Variants in SPPL3 observed in about 807,000 individuals in gnomAD.
SPPL3 encodes the protein signal peptide peptidase-like 3.
SPPL3 carries 5 observed loss-of-function variants against 42.4 expected under a neutral mutation model. The ratio of observed to expected loss-of-function variants is 0.12; its 90% confidence interval spans 0.06 to 0.25. SPPL3 has a LOEUF of 0.25. Among genes scored for constraint, SPPL3 ranks in the 10% least tolerant of loss-of-function variants. SPPL3 has a pLI of 1.00. For synonymous variants in SPPL3, 195 were observed against 181.8 expected (o/e 1.07, Z -0.58); for missense variants, 235 against 489.0 (o/e 0.48, Z 4.90).
chr12:120,784,608 C>CA lies in SPPL3; in HGVS notation c.191-16dup, dbSNP rs375407091. On this transcript the variant is annotated splice_polypyrimidine_tract_variant and intron_variant, in intron 3 of 10. Transcript: ENST00000353487. ...TGTTTGGATGCCTGAAAGAGAAAAA[C>CA]AGACAGATTAATAACTTATTATGCA... The CA allele has an allele frequency of 3.2e-5, 51 of 1,592,316 alleles. No individual in the cohort carries two copies. In the African/African-American group the frequency reaches 6.5e-4, roughly 20 times the overall value.
intron 1 of SPPL3, chr12:120,845,795 G>C (rs1872010223): frequency 5.3e-6 from 1 of 188,148 alleles, no homozygotes; most frequent in Admixed American, 6.1e-5. Flanking sequence ...TTCTCAGACA[G>C]GCATTTTCTG....
intron 1 of SPPL3, among the ~76,000 whole-genome samples, chr12:120,852,841 G>GAAATATATATTTCATATAATATATAC (rs1566060976): frequency 2.2e-5 from 1 of 44,620 alleles, no homozygotes; most frequent in Non-Finnish European, 4.1e-5. Context: ...ATATACATAT[G>GAAATATATATTTCATATAATATATAC]ATATATGAAA....
At chr12:120,808,552 G>A (rs118168834) in intron 2 of SPPL3, among the ~76,000 whole-genome samples, 2 of 152,036 alleles carry the variant, frequency 1.3e-5, no homozygotes, top group African/African-American at 2.4e-5. Context: ...ACTCTCTGTC[G>A]AAGTATTTCC....
At chr12:120,797,697 G>A (rs541465818) in intron 2 of SPPL3, among the ~76,000 whole-genome samples, 50 of 152,170 alleles carry the variant, frequency 3.3e-4, no homozygotes, top group Admixed American at 7.8e-4. Context: ...TTGATGAATT[G>A]TATCCCTTTC....
intron 1 of SPPL3, among the ~76,000 whole-genome samples, chr12:120,892,687 AACCC>A (rs1873678537): frequency 6.6e-6 from 1 of 152,222 alleles, no homozygotes; most frequent in Non-Finnish European, 1.5e-5. Context: ...AATACGATAC[AACCC>A]AAAATTAGAG....
intron 1 of SPPL3, among the ~76,000 whole-genome samples, chr12:120,890,044 G>A (rs886075472): frequency 4.0e-5 from 6 of 150,600 alleles, no homozygotes; most frequent in African/African-American, 1.2e-4. Flanking sequence ...TCGGGAGTTC[G>A]AGACCAGACT....
At chr12:120,897,217 A>T (rs1352470483) in intron 1 of SPPL3, among the ~76,000 whole-genome samples, 5 of 152,354 alleles carry the variant, frequency 3.3e-5, no homozygotes, top group African/African-American at 9.6e-5. Flanking sequence ...ATGATCATTA[A>T]GCATTTAAAT....
chr12:120,785,817 A>G (rs868258497), intron 3 of SPPL3, among the ~76,000 whole-genome samples: 3 of 17,666 alleles, frequency 1.7e-4, no homozygotes, highest in African/African-American at 1.2e-3. Flanking sequence ...CAGAAAATTA[A>G]AAAAAAAAAA....
At chr12:120,903,726 A>ACCCCCCCCCC in intron 1 of SPPL3, 119 bp downstream of exon 1, 1 of 509,668 alleles carries the variant, frequency 2.0e-6, no homozygotes, top group Non-Finnish European at 3.0e-6. Context: ...GTGCACCCCA[A>ACCCCCCCCCC]CCCGCGCCCC....
At chr12:120,843,468 C>T (rs969525689) in intron 1 of SPPL3, among the ~76,000 whole-genome samples, 1 of 152,144 alleles carries the variant, frequency 6.6e-6, no homozygotes, top group Non-Finnish European at 1.5e-5. Context: ...ACACTCCCTC[C>T]TTCTTGAAAT....
chr12:120,892,779 G>A (rs1386981173), intron 1 of SPPL3, among the ~76,000 whole-genome samples: 4 of 151,854 alleles, frequency 2.6e-5, no homozygotes, highest in Non-Finnish European at 5.9e-5. Flanking sequence ...TCAGGAGATC[G>A]AGACCATCCT....
At chr12:120,815,105 G>A (rs933248276) in intron 1 of SPPL3, among the ~76,000 whole-genome samples, 3 of 152,120 alleles carry the variant, frequency 2.0e-5, no homozygotes, top group African/African-American at 7.2e-5. Context: ...TACCTGCATT[G>A]CACACACATG....
intron 1 of SPPL3, among the ~76,000 whole-genome samples, chr12:120,822,044 G>C (rs1428863082): frequency 1.3e-5 from 2 of 152,124 alleles, no homozygotes; most frequent in Non-Finnish European, 2.9e-5. Context: ...ACCTAGATTA[G>C]GCAAATTCAT....
chr12:120,808,622 T>A (rs1276470498), intron 2 of SPPL3, among the ~76,000 whole-genome samples: 4 of 152,206 alleles, frequency 2.6e-5, no homozygotes, highest in Non-Finnish European at 5.9e-5. Context: ...CATAAAGCTA[T>A]CATCACTGTA....
chr12:120,784,887 G>A (rs933689640), intron 3 of SPPL3, among the ~76,000 whole-genome samples: 2 of 152,140 alleles, frequency 1.3e-5, no homozygotes, highest in African/African-American at 2.4e-5. Context: ...AACATTAAGA[G>A]GTAGTAAAAA....
At chr12:120,856,465 G>GC (rs1358663332) in intron 1 of SPPL3, among the ~76,000 whole-genome samples, 2 of 144,214 alleles carry the variant, frequency 1.4e-5, no homozygotes, top group Non-Finnish European at 3.0e-5. Context: ...TACTCACTGA[G>GC]CCCCCTGGCC....
intron 1 of SPPL3, among the ~76,000 whole-genome samples, chr12:120,891,757 G>C (rs1324265883): frequency 1.6e-5 from 2 of 128,510 alleles, no homozygotes; most frequent in Non-Finnish European, 1.6e-5. Flanking sequence ...AAAAAAAAAA[G>C]CAGCTGAGTG....
In SPPL3 at chr12:120,784,704, T is replaced by C. The variant is rs1173809205; in HGVS notation, c.191-111A>G. 5.2e-6 allele frequency: 4 copies of C among 770,844 alleles called. No individual in the cohort carries two copies. The East Asian group carries it at 1.2e-4, about 23-fold the overall frequency. The allele number at this position is 770,844 out of a possible 1,614,324, so 47.8% of individuals were successfully genotyped here. Reference sequence around the variant, plus strand: ...TGCAGACAGTTCTACGGATTATACGTAGGACATGGATTATCCAGGCCCTAT... The same window carrying C: ...TGCAGACAGTTCTACGGATTATACGCAGGACATGGATTATCCAGGCCCTAT... On this transcript the variant is annotated intron_variant, in intron 3 of 10. Coordinates refer to ENST00000353487, the MANE Select transcript of SPPL3 (RefSeq NM_139015.5).
At position 120,812,796 on chromosome 12, in the gene SPPL3, C is replaced by T. The variant is rs571159830; in HGVS notation, c.24-1910G>A. On this transcript the variant is annotated intron_variant, in intron 1 of 10. Coordinates refer to ENST00000353487, the MANE Select transcript of SPPL3 (RefSeq NM_139015.5). ...TAGCTAAGCCAGTTACTTAGCCTCT[C>T]TAAGCTTCAGCTTTTCATCTGTAAA... Among the ~76,000 whole-genome samples the T allele has an allele frequency of 3.9e-5, 6 of 152,346 alleles. No individual in the cohort carries two copies. The South Asian group carries it at 1.2e-3, about 32-fold the overall frequency.
Sources: gnomAD v4.1 joint callset for allele counts (sites outside exome capture counted in the v4.1 genomes callset) on GRCh38, gnomAD v4.1.1 for gene constraint, MANE v1.5 for transcripts, NCBI Gene and HGNC (gene_info 2026-07-23, HGNC 2026-07-21) for gene names.